The following OGDH variants were observed in gnomAD, a reference collection of about 807,000 sequenced individuals.
OGDH encodes oxoglutarate dehydrogenase.
In OGDH, 38 loss-of-function variants were observed where a neutral mutation model predicts 116.6. The ratio of observed to expected loss-of-function variants is 0.33; its 90% CI spans 0.25 to 0.43. OGDH has a LOEUF of 0.43. OGDH is among the 20% of genes least tolerant of loss of function. The pLI, the probability that OGDH is intolerant of heterozygous loss-of-function variation, is 1.00. For synonymous variants in OGDH, 488 were observed against 533.3 expected (o/e 0.92, Z 1.17); for missense variants, 825 against 1,357.2 (o/e 0.61, Z 6.16).
intron 4 of OGDH, among the ~76,000 whole-genome samples, chr7:44,664,355 G>C (rs550464516): frequency 2.6e-5 from 4 of 152,318 alleles, no homozygotes; most frequent in Admixed American, 2.6e-4. Context: ...CCTCTGTGAT[G>C]GGGTTGGGTG....
intron 1 of OGDH, among the ~76,000 whole-genome samples, chr7:44,610,767 C>T (rs893232099): frequency 4.0e-5 from 6 of 151,814 alleles, no homozygotes; most frequent in Admixed American, 6.6e-5. Context: ...CCACCACGCC[C>T]GGCTAATTCT....
rs117313027 is a variant in OGDH, at chr7:44,679,521, G to A, written c.1207-2199G>A. 5.8e-3 allele frequency among the ~76,000 whole-genome samples: 887 copies of A among 152,270 alleles called. 2 individuals carry two copies. Among genetic ancestry groups the A allele is most frequent in the Middle Eastern group, 0.014 (4 of 294 alleles). On this transcript the variant is annotated intron_variant, in intron 9 of 22. Coordinates refer to ENST00000222673, the MANE Select transcript of OGDH (RefSeq NM_002541.4). ...TTAACCAAGGATGACTCAGCACAGC[G>A]CTGAGGACCAGGGTAATCACAAGAA... is the stretch of plus-strand genomic sequence containing the variant.
chr7:44,670,219 A>G (rs2116093754), intron 5 of OGDH, among the ~76,000 whole-genome samples: 1 of 152,224 alleles, frequency 6.6e-6, no homozygotes, highest in Non-Finnish European at 1.5e-5. Flanking sequence ...TCTGTTCAAT[A>G]ATGGAAATTC....
intron 14 of OGDH, 132 bp downstream of exon 14, chr7:44,696,689 T>A (rs1489081304): frequency 1.3e-5 from 18 of 1,356,098 alleles, no homozygotes; most frequent in East Asian, 2.4e-5. Context: ...GCTCAAGGCC[T>A]CTGGGGTGGT....
intron 2 of OGDH, among the ~76,000 whole-genome samples, chr7:44,637,640 G>A (rs753290612): frequency 3.3e-5 from 5 of 151,664 alleles, no homozygotes; most frequent in East Asian, 1.9e-4. Flanking sequence ...GTGAAATCCC[G>A]TCTCTATTAA....
chr7:44,685,426 C>T (rs371390643), intron 10 of OGDH, among the ~76,000 whole-genome samples: 2 of 152,156 alleles, frequency 1.3e-5, no homozygotes, highest in East Asian at 3.8e-4. Context: ...GGTCCATCCA[C>T]GTTATAGCAT....
chr7:44,661,303 A>AT (rs1786928376), intron 4 of OGDH, among the ~76,000 whole-genome samples: 1 of 152,074 alleles, frequency 6.6e-6, no homozygotes. Context: ...TACATGATGC[A>AT]TTTTTTCCTC....
intron 20 of OGDH, among the ~76,000 whole-genome samples, chr7:44,704,557 G>A (rs941874453): frequency 2.0e-5 from 3 of 151,778 alleles, no homozygotes; most frequent in African/African-American, 7.3e-5. Context: ...CTGGTTGCTT[G>A]TTTTTGAGTC....
chr7:44,645,676 A>G (rs1275475660), intron 3 of OGDH, among the ~76,000 whole-genome samples, 158 bp downstream of exon 3: 1 of 152,204 alleles, frequency 6.6e-6, no homozygotes, highest in African/African-American at 2.4e-5. Flanking sequence ...CTAAAAAACA[A>G]ATACACAAGA....
chr7:44,616,838 CATATACGTGTATATATATACACAT>C (rs1784816507), intron 1 of OGDH, among the ~76,000 whole-genome samples: 1 of 123,272 alleles, frequency 8.1e-6, no homozygotes. Flanking sequence ...TATATATACA[CATATACGTGTATATATATACACAT>C]ATATATATAC....
intron 2 of OGDH, among the ~76,000 whole-genome samples, chr7:44,627,838 G>A (rs1445020617): frequency 6.6e-6 from 1 of 151,922 alleles, no homozygotes; most frequent in Admixed American, 6.6e-5. Context: ...CACCACGCCT[G>A]GCTAATTTTT....
At chr7:44,699,425 CAAAA>C (rs59695480) in intron 18 of OGDH, among the ~76,000 whole-genome samples, 2,439 of 67,682 alleles carry the variant, frequency 0.036, 53 homozygotes, top group African/African-American at 0.1. Context: ...ACTCCTGTCT[CAAAA>C]AAAAAAAAAA....
chr7:44,650,573 C>T (rs921188219), intron 4 of OGDH, among the ~76,000 whole-genome samples: 4 of 152,176 alleles, frequency 2.6e-5, no homozygotes, highest in Non-Finnish European at 5.9e-5. Flanking sequence ...AGCTGCCAAA[C>T]TCTCTGATAA....
rs201585406 is a variant in OGDH at position 44,694,028 on chromosome 7, G to A, written c.1515+24G>A. The A allele has an allele frequency of 8.2e-6, 13 of 1,594,534 alleles. No individual in the cohort carries two copies. The highest frequency in any genetic ancestry group is 6.7e-5 in the African/African-American group (5 of 74,660). On this transcript the variant is annotated intron_variant, in intron 11 of 22. Transcript: ENST00000222673. The surrounding 1 kb of genome is among the most constrained non-coding windows in gnomAD (Gnocchi z 4.2). ...TGGTGAGTGACTCTGGGGACAGCAC[G>A]TCCTGGGCAGAGCATCTGACCCACC... is the stretch of plus-strand genomic sequence containing the variant.
In OGDH at chr7:44,697,830, T is replaced by A; in HGVS notation, c.2358+48T>A. 6.4e-7 allele frequency: 1 copy of A among 1,571,740 alleles called. No homozygotes were observed. The highest frequency in any genetic ancestry group is 8.6e-7 in the Non-Finnish European group (1 of 1,159,566). ...CCAGACCTAGGACTTGGGAAGGGCC[T>A]GTGTAGGACCCTGACCCCAAAGACT... On this transcript the variant is annotated intron_variant, in intron 17 of 22. Coordinates refer to ENST00000222673, the MANE Select transcript of OGDH (RefSeq NM_002541.4). This position sits in a 1 kb window ranked among gnomAD's most constrained non-coding sequence, Gnocchi z 6.0.
At position 44,673,928 on chromosome 7, in the gene OGDH, G is replaced by A. The variant is rs1283022670; in HGVS notation, c.775G>A (p.Val259Met). The A allele has an allele frequency of 6.2e-7, 1 of 1,614,242 alleles. No individual in the cohort carries two copies. Among genetic ancestry groups the A allele is most frequent in the South Asian group, 1.1e-5 (1 of 91,086 alleles). ...EEKRTLLARL[V>M]RSTRFEEFLQ... ...GAAACGGACCCTGCTGGCCAGGCTT[G>A]TGCGGTCCACCAGGTATGGGTCTGG... The change falls in exon 6 of 23, where the codon GTG becomes ATG. Residue 259 changes from valine to methionine, a missense_variant. Around this residue, in one of 7 missense-constraint regions of OGDH, gnomAD observed 171 missense variants for 276.8 expected, o/e 0.62. Coordinates refer to ENST00000222673, the MANE Select transcript of OGDH (RefSeq NM_002541.4).
chr7:44,610,295 GTTTT>G, intron 1 of OGDH, among the ~76,000 whole-genome samples: 1 of 148,634 alleles, frequency 6.7e-6, no homozygotes, highest in East Asian at 2.0e-4. Flanking sequence ...TTTCATCTTG[GTTTT>G]TTTTTTGTTT....
Position 44,694,546 on chromosome 7 carries a change from G to T in OGDH, c.1638G>T (p.Ser546=). 1 of 1,614,090 alleles carries T rather than the reference G, an allele frequency of 6.2e-7. No individual in the cohort carries two copies. Among genetic ancestry groups the T allele is most frequent in the Non-Finnish European group, 8.5e-7 (1 of 1,180,020 alleles). Residue 546 remains serine, a synonymous_variant, in exon 12 of 23, where the codon TCG becomes TCT. Transcript: ENST00000222673. The surrounding 1 kb of genome is among the most constrained non-coding windows in gnomAD (Gnocchi z 4.2). The part of the protein sequence containing the change: ...VLQKYAELLV[S]QGVVNQPEYE... ...AGAAGTACGCTGAGCTGCTGGTGTC[G>T]CAGGGTGTGGTCAACCAGCCTGAGT...
intron 1 of OGDH, among the ~76,000 whole-genome samples, chr7:44,616,826 T>C (rs962697674): frequency 2.7e-4 from 37 of 137,384 alleles, no homozygotes; most frequent in African/African-American, 5.8e-4. Context: ...CGTATATATG[T>C]GTATATATAC....
Sources: gnomAD v4.1 joint callset for allele counts (sites outside exome capture counted in the v4.1 genomes callset) on GRCh38, gnomAD v4.1.1 for gene constraint, gnomAD v4.1.1 regional missense constraint, Gnocchi (gnomAD v3.1) non-coding constraint, MANE v1.5 for transcripts, NCBI Gene and HGNC (gene_info 2026-07-23, HGNC 2026-07-21) for gene names.